The following HPSE2 variants were observed in gnomAD, a reference collection of about 807,000 sequenced individuals.
The protein encoded by HPSE2 is heparanase 2 (inactive).
HPSE2 carries 38 observed loss-of-function variants against 60.5 expected under a neutral mutation model. The ratio of observed to expected loss-of-function variants is 0.63; its 90% CI spans 0.48 to 0.82. The LOEUF is 0.82. Among genes scored for constraint, HPSE2 ranks in the 40% least tolerant of loss-of-function variants. HPSE2 has a pLI of 0.00. For missense variants in HPSE2, 713 were observed against 740.4 expected, an observed-to-expected ratio of 0.96 and a Z score of 0.43; for synonymous variants, 295 against 293.2, an observed-to-expected ratio of 1.01 and a Z score of -0.06.
At chr10:98,498,617 G>C (rs766282410) in intron 9 of HPSE2, among the ~76,000 whole-genome samples, 13 of 151,988 alleles carry the variant, frequency 8.6e-5, no homozygotes, top group Non-Finnish European at 1.6e-4. Flanking sequence ...AAATCACACT[G>C]GTTCACCAGC....
intron 3 of HPSE2, among the ~76,000 whole-genome samples, chr10:99,010,952 C>A (rs1229201984): frequency 6.6e-6 from 1 of 152,006 alleles, no homozygotes; most frequent in Non-Finnish European, 1.5e-5. Context: ...TATTTCATCA[C>A]CCAGGTATTA....
At chr10:99,150,782 T>C (rs554334442) in intron 2 of HPSE2, among the ~76,000 whole-genome samples, 6 of 152,084 alleles carry the variant, frequency 3.9e-5, no homozygotes, top group Non-Finnish European at 7.4e-5. Flanking sequence ...ATGGGGAGGC[T>C]ACGCACAAAC....
chr10:99,254,473 T>A, the HPSE2 span, among the ~76,000 whole-genome samples: 8 of 152,142 alleles, frequency 5.3e-5, no homozygotes, highest in African/African-American at 1.9e-4. Context: ...GGATCATTTG[T>A]ACCCCAAACC....
intron 3 of HPSE2, among the ~76,000 whole-genome samples, chr10:99,086,914 A>C (rs1843341670): frequency 6.6e-6 from 1 of 152,228 alleles, no homozygotes; most frequent in South Asian, 2.1e-4. Flanking sequence ...CTATTTGTTC[A>C]GTCCAAAAGA....
chr10:98,999,612 A>G (rs1379358334), intron 3 of HPSE2, among the ~76,000 whole-genome samples: 1 of 152,128 alleles, frequency 6.6e-6, no homozygotes, highest in Non-Finnish European at 1.5e-5. Flanking sequence ...TGAGCTGGGA[A>G]TTGAAGGATA....
chr10:98,566,104 A>G (rs1445343061), intron 9 of HPSE2, among the ~76,000 whole-genome samples: 1 of 152,216 alleles, frequency 6.6e-6, no homozygotes, highest in East Asian at 1.9e-4. Flanking sequence ...AAAATACTTC[A>G]GAACACTTCA....
intron 3 of HPSE2, among the ~76,000 whole-genome samples, chr10:99,067,111 T>C (rs776289605): frequency 6.6e-6 from 1 of 152,222 alleles, no homozygotes; most frequent in Non-Finnish European, 1.5e-5. Flanking sequence ...TTTGACTCCA[T>C]GTCTCACATA....
chr10:98,648,781 T>A (rs1483714711), intron 6 of HPSE2, among the ~76,000 whole-genome samples: 1 of 152,028 alleles, frequency 6.6e-6, no homozygotes, highest in East Asian at 1.9e-4. Flanking sequence ...ACAAAACACA[T>A]AATAGATACA....
intron 3 of HPSE2, among the ~76,000 whole-genome samples, chr10:98,882,188 G>A (rs12573676): frequency 0.019 from 2,909 of 152,090 alleles, 103 homozygotes; most frequent in East Asian, 0.15. Context: ...ACCCAGAACC[G>A]ATCAGCAGCC....
At chr10:99,156,595 G>A (rs1025258392) in intron 2 of HPSE2, among the ~76,000 whole-genome samples, 7 of 122,306 alleles carry the variant, frequency 5.7e-5, no homozygotes, top group African/African-American at 1.3e-4. Context: ...TTGATGGGAC[G>A]TATTTCAAAA....
chr10:98,843,938 A>G (rs2862447), intron 3 of HPSE2, among the ~76,000 whole-genome samples: 68,258 of 152,130 alleles, frequency 0.45, 18,063 homozygotes, highest in Non-Finnish European at 0.6. Flanking sequence ...TATTGCTTCA[A>G]TTCTAATTCT....
intron 2 of HPSE2, among the ~76,000 whole-genome samples, chr10:99,174,539 TC>T (rs1393552442): frequency 6.6e-6 from 1 of 152,192 alleles, no homozygotes. Flanking sequence ...ATACTTGAGA[TC>T]AGCCACTTCA....
intron 3 of HPSE2, among the ~76,000 whole-genome samples, chr10:98,744,635 TTTATTTAACA>T (rs1949583417): frequency 6.6e-6 from 1 of 152,168 alleles, no homozygotes; most frequent in Admixed American, 6.5e-5. Flanking sequence ...CATCATATGT[TTTATTTAACA>T]AAGTTAAATT....
chr10:99,181,230 C>A (rs1847758591), intron 2 of HPSE2, among the ~76,000 whole-genome samples: 1 of 150,142 alleles, frequency 6.7e-6, no homozygotes, highest in Admixed American at 6.7e-5. Flanking sequence ...AACCCCGTCT[C>A]TACTAAAAAT....
intron 3 of HPSE2, among the ~76,000 whole-genome samples, chr10:98,899,485 A>G (rs1320589297): frequency 6.6e-6 from 1 of 152,196 alleles, no homozygotes; most frequent in Non-Finnish European, 1.5e-5. Context: ...CAAACAGCCA[A>G]ATTTTAAAAT....
intron 3 of HPSE2, among the ~76,000 whole-genome samples, chr10:99,075,278 T>C (rs1842920267): frequency 6.6e-6 from 1 of 152,174 alleles, no homozygotes; most frequent in South Asian, 2.1e-4. Context: ...TGATTTCTTC[T>C]TTGATCCATT....
intron 3 of HPSE2, among the ~76,000 whole-genome samples, chr10:98,878,707 A>G (rs1274814912): frequency 6.6e-6 from 1 of 152,020 alleles, no homozygotes; most frequent in Non-Finnish European, 1.5e-5. Flanking sequence ...ATGCTTTATC[A>G]TAATGATAAT....
chr10:99,162,717 T>C (rs1200365395), intron 2 of HPSE2, among the ~76,000 whole-genome samples: 2 of 152,218 alleles, frequency 1.3e-5, no homozygotes, highest in African/African-American at 4.8e-5. Context: ...CCCTCAGTCA[T>C]CTTTTATTTC....
intron 2 of HPSE2, among the ~76,000 whole-genome samples, chr10:99,184,925 G>C (rs1847946967): frequency 6.8e-6 from 1 of 147,422 alleles, no homozygotes; most frequent in South Asian, 2.2e-4. Context: ...ATATTAACTG[G>C]CCTAACATAC....
Sources: gnomAD v4.1 joint callset for allele counts (sites outside exome capture counted in the v4.1 genomes callset) on GRCh38, gnomAD v4.1.1 for gene constraint, MANE v1.5 for transcripts, NCBI Gene and HGNC (gene_info 2026-07-23, HGNC 2026-07-21) for gene names.